The following SLC24A2 variants were observed in gnomAD, a reference collection of about 807,000 sequenced individuals.
SLC24A2 encodes sodium/potassium/calcium exchanger 2.
SLC24A2 carries 36 observed loss-of-function variants against 62.0 expected under a neutral mutation model. The ratio of observed to expected loss-of-function variants is 0.58; its 90% CI spans 0.44 to 0.77. The LOEUF (loss-of-function observed/expected upper bound fraction) is 0.77, where lower values mean the gene tolerates loss of function less well. SLC24A2 is among the 30% of genes least tolerant of loss of function. The probability of loss-of-function intolerance (pLI) is 0.00; values close to 1 mark genes in which losing one functional copy is unlikely to be tolerated. For missense variants in SLC24A2, 846 were observed against 817.9 expected (o/e 1.03, Z -0.42); for synonymous variants, 358 against 294.0 (o/e 1.22, Z -2.23).
chr9:19,541,243 T>A (rs1366587721), intron 8 of SLC24A2, among the ~76,000 whole-genome samples: 2 of 148,276 alleles, frequency 1.3e-5, no homozygotes, highest in Non-Finnish European at 3.0e-5. Context: ...GTTCCGTTGC[T>A]GGTGAGGAAC....
chr9:20,122,993 G>A, the SLC24A2 span, among the ~76,000 whole-genome samples: 19 of 152,226 alleles, frequency 1.2e-4, no homozygotes, highest in Admixed American at 9.8e-4. Context: ...TCACCCATTC[G>A]ATGCTTTGTT....
intron 8 of SLC24A2, among the ~76,000 whole-genome samples, chr9:19,545,863 T>C (rs1037399891): frequency 2.0e-5 from 3 of 152,124 alleles, no homozygotes; most frequent in African/African-American, 7.2e-5. Flanking sequence ...GGTCTCAATC[T>C]CCTGACCTTG....
the SLC24A2 span, among the ~76,000 whole-genome samples, chr9:20,079,510 T>C: frequency 6.6e-6 from 1 of 152,238 alleles, no homozygotes; most frequent in East Asian, 1.9e-4. Context: ...TAAGATGTCA[T>C]GGACATACTG....
intron 2 of SLC24A2, among the ~76,000 whole-genome samples, chr9:19,731,887 C>T (rs1007033575): frequency 1.5e-4 from 23 of 152,162 alleles, no homozygotes; most frequent in African/African-American, 4.8e-4. Context: ...TGCCTGGCAG[C>T]GTAACCTATA....
At chr9:19,535,692 G>T (rs985443653) in intron 8 of SLC24A2, among the ~76,000 whole-genome samples, 1 of 152,166 alleles carries the variant, frequency 6.6e-6, no homozygotes, top group Admixed American at 6.5e-5. Context: ...TGAGGCCTCT[G>T]TTCTGTTCCA....
At chr9:20,228,147 T>G in the SLC24A2 span, among the ~76,000 whole-genome samples, 1 of 152,170 alleles carries the variant, frequency 6.6e-6, no homozygotes, top group Non-Finnish European at 1.5e-5. Context: ...TTACTAAATT[T>G]CAAATATTAT....
chr9:19,552,899 G>T (rs779588712), intron 7 of SLC24A2, among the ~76,000 whole-genome samples: 3 of 152,188 alleles, frequency 2.0e-5, no homozygotes, highest in Admixed American at 1.3e-4. Flanking sequence ...ACTGTCCAAT[G>T]CAAACAATTA....
At chr9:19,546,714 T>G (rs936392924) in intron 8 of SLC24A2, among the ~76,000 whole-genome samples, 3 of 151,582 alleles carry the variant, frequency 2.0e-5, no homozygotes, top group Non-Finnish European at 4.4e-5. Flanking sequence ...TCACTGGTGT[T>G]CTGGCACCAC....
At chr9:19,568,905 G>C (rs1586976591) in intron 7 of SLC24A2, among the ~76,000 whole-genome samples, 1 of 152,114 alleles carries the variant, frequency 6.6e-6, no homozygotes, top group Admixed American at 6.5e-5. Context: ...CTAGTTATTT[G>C]ACAGCATTCC....
At chr9:19,782,089 C>T (rs1823034721) in intron 2 of SLC24A2, among the ~76,000 whole-genome samples, 1 of 152,130 alleles carries the variant, frequency 6.6e-6, no homozygotes, top group African/African-American at 2.4e-5. Flanking sequence ...TAGATTGTGC[C>T]CTTCATTAGA....
chr9:20,253,729 G>C, the SLC24A2 span, among the ~76,000 whole-genome samples: 2 of 152,312 alleles, frequency 1.3e-5, no homozygotes, highest in Admixed American at 6.5e-5. Flanking sequence ...CAGTAGCAGA[G>C]AGATTAACTG....
chr9:19,767,859 G>C (rs1279799928), intron 2 of SLC24A2, among the ~76,000 whole-genome samples: 1 of 152,084 alleles, frequency 6.6e-6, no homozygotes, highest in African/African-American at 2.4e-5. Context: ...CTTGAAACTG[G>C]GTGATTTATA....
intron 5 of SLC24A2, among the ~76,000 whole-genome samples, chr9:19,583,543 C>A (rs565716505): frequency 6.6e-6 from 1 of 152,080 alleles, no homozygotes; most frequent in Non-Finnish European, 1.5e-5. Flanking sequence ...TTGGGTGCAA[C>A]AAATCCTTGT....
chr9:19,673,389 A>G (rs1819472628), intron 2 of SLC24A2, among the ~76,000 whole-genome samples: 1 of 125,996 alleles, frequency 7.9e-6, no homozygotes, highest in African/African-American at 3.8e-5. Flanking sequence ...TTTGCATGGA[A>G]TATCTTCCAC....
At chr9:19,910,259 G>T in the SLC24A2 span, among the ~76,000 whole-genome samples, 5 of 151,886 alleles carry the variant, frequency 3.3e-5, no homozygotes, top group African/African-American at 1.2e-4. Flanking sequence ...GTTTCATCCT[G>T]CTCCTTACCC....
intron 2 of SLC24A2, among the ~76,000 whole-genome samples, chr9:19,745,150 C>T (rs924662745): frequency 6.6e-6 from 1 of 152,092 alleles, no homozygotes; most frequent in African/African-American, 2.4e-5. Context: ...GATTGTGGCA[C>T]CTGCTCCACC....
At chr9:19,589,151 A>G (rs1445557220) in intron 5 of SLC24A2, among the ~76,000 whole-genome samples, 1 of 152,246 alleles carries the variant, frequency 6.6e-6, no homozygotes, top group African/African-American at 2.4e-5. Flanking sequence ...GAATTTGCTC[A>G]ATGGCCAAAG....
chr9:19,950,428 T>A, the SLC24A2 span, among the ~76,000 whole-genome samples: 1 of 152,108 alleles, frequency 6.6e-6, no homozygotes, highest in Non-Finnish European at 1.5e-5. Flanking sequence ...TAGAGAGACT[T>A]TGTAACCACA....
At chr9:20,127,656 TG>T in the SLC24A2 span, among the ~76,000 whole-genome samples, 1 of 152,148 alleles carries the variant, frequency 6.6e-6, no homozygotes, top group African/African-American at 2.4e-5. Context: ...CTTAAGTCAT[TG>T]TTCCAGTTAG....
Sources: gnomAD v4.1 joint callset for allele counts (sites outside exome capture counted in the v4.1 genomes callset) on GRCh38, gnomAD v4.1.1 for gene constraint, MANE v1.5 for transcripts, NCBI Gene and HGNC (gene_info 2026-07-23, HGNC 2026-07-21) for gene names.